RASGRP2: variants seen among roughly 807,000 people sequenced by gnomAD.
RASGRP2 encodes RAS guanyl-releasing protein 2.
A neutral mutation model predicts 71.0 loss-of-function variants in RASGRP2; 44 were observed. The ratio of observed to expected loss-of-function variants is 0.62; its 90% CI spans 0.49 to 0.80. The LOEUF (loss-of-function observed/expected upper bound fraction) is 0.80, where lower values mean the gene tolerates loss of function less well. RASGRP2 is among the 30% of genes least tolerant of loss of function. The pLI is 0.00. For synonymous variants in RASGRP2, 350 were observed against 330.7 expected, an observed-to-expected ratio of 1.06 and a Z score of -0.63; for missense variants, 663 against 813.4, an observed-to-expected ratio of 0.82 and a Z score of 2.25.
chr11:64,739,907 A>ACC lies in RASGRP2; in HGVS notation c.523-100_523-99dup. On this transcript the variant is annotated intron_variant, in intron 6 of 16. Transcript: ENST00000394432. This position sits in a 1 kb window ranked among gnomAD's most constrained non-coding sequence, Gnocchi z 4.2. ...GCTGACCTTCAGTGGTTACACTGAA[A>ACC]CCCCTGATGCACCCTGTGACCCAGC... 1 of 1,603,666 alleles carries ACC rather than the reference A, an allele frequency of 6.2e-7. No individual in the cohort carries two copies. Among genetic ancestry groups the ACC allele is most frequent in the Middle Eastern group, 1.7e-4 (1 of 5,954 alleles).
chr11:64,727,190 C>A, intron 16 of RASGRP2, 59 bp from the exon 17 acceptor site: 1 of 947,684 alleles, frequency 1.1e-6, no homozygotes, highest in East Asian at 2.5e-5. Context: ...GGTAGTAGCC[C>A]ACCTGGCTTG....
intron 4 of RASGRP2, 139 bp from the exon 5 acceptor site, chr11:64,741,218 A>G: frequency 4.2e-6 from 5 of 1,193,694 alleles, no homozygotes; most frequent in South Asian, 2.6e-5. Context: ...CGCCACTCCA[A>G]GTGTACATTA....
Position 64,735,441 on chromosome 11 carries a change from G to A in RASGRP2, c.1296+101C>T, listed in dbSNP as rs2057900006. 1 of 1,592,892 alleles carries A rather than the reference G, an allele frequency of 6.3e-7. No individual in the cohort carries two copies. The highest frequency in any genetic ancestry group is 1.7e-5 in the Admixed American group (1 of 60,006). On this transcript the variant is annotated intron_variant, in intron 11 of 16. Coordinates refer to ENST00000394432, the MANE Select transcript of RASGRP2 (RefSeq NM_001098671.2). This position sits in a 1 kb window ranked among gnomAD's most constrained non-coding sequence, Gnocchi z 4.2. Reference sequence around the variant, plus strand: ...CCAGGCCCTGTGACTCCTAGGGGCTGAGTGCTGGGTCTTGAACAGGACACT... The same window carrying A: ...CCAGGCCCTGTGACTCCTAGGGGCTAAGTGCTGGGTCTTGAACAGGACACT...
chr11:64,742,475 A>G lies in RASGRP2; in HGVS notation c.73+319T>C. On this transcript the variant is annotated intron_variant, in intron 2 of 16. Coordinates refer to ENST00000394432, the MANE Select transcript of RASGRP2 (RefSeq NM_001098671.2). This position sits in a 1 kb window ranked among gnomAD's most constrained non-coding sequence, Gnocchi z 4.7. ...GATAAGCCGCCCCCCATTAGCCGGA[A>G]ACAGCTCCCAGGCCGGAGATAGCGA... The G allele has an allele frequency of 1.8e-6, 1 of 565,226 alleles. No homozygotes were observed. Among genetic ancestry groups the G allele is most frequent in the Non-Finnish European group, 3.2e-6 (1 of 315,022 alleles). The allele number at this position is 565,226 out of a possible 1,614,324, so 35.0% of individuals were successfully genotyped here.
At position 64,729,049 on chromosome 11, in the gene RASGRP2, G is replaced by C; in HGVS notation, c.1592-7C>G. The C allele has an allele frequency of 6.3e-7, 1 of 1,589,694 alleles. No homozygotes were observed. Among genetic ancestry groups the C allele is most frequent in the South Asian group, 1.1e-5 (1 of 89,352 alleles). ...TGGCAGTTCACTCCACAGGCTGGGG[G>C]AGAGCAAATGGAGAGCCAGCCAGGG... On this transcript the variant is annotated splice_region_variant and splice_polypyrimidine_tract_variant and intron_variant, in intron 14 of 16. Transcript: ENST00000394432.
At position 64,739,606 on chromosome 11, in the gene RASGRP2, T is replaced by G. The variant is rs766410720; in HGVS notation, c.696+30A>C. 1 of 1,612,798 alleles carries G rather than the reference T, an allele frequency of 6.2e-7. No individual in the cohort carries two copies. Among genetic ancestry groups the G allele is most frequent in the Non-Finnish European group, 8.5e-7 (1 of 1,179,086 alleles). Reference sequence around the variant, plus strand: ...TGGCCTGACTGGCATGTGGGGTGGTTGGGAGACACCGGGAGGGAGGGGCAG... The same window carrying G: ...TGGCCTGACTGGCATGTGGGGTGGTGGGGAGACACCGGGAGGGAGGGGCAG... On this transcript the variant is annotated intron_variant, in intron 7 of 16. Transcript: ENST00000394432. The surrounding 1 kb of genome is among the most constrained non-coding windows in gnomAD (Gnocchi z 4.2).
At chr11:64,732,867 T>C (rs1290205998) in intron 12 of RASGRP2, among the ~76,000 whole-genome samples, 2 of 151,294 alleles carry the variant, frequency 1.3e-5, no homozygotes, top group South Asian at 2.1e-4. Flanking sequence ...GGAGAATCAC[T>C]TGAACCCGGG....
In RASGRP2 at chr11:64,743,214, C is replaced by A; in HGVS notation, c.-71-277G>T. On this transcript the variant is annotated intron_variant, in intron 1 of 16. Transcript: ENST00000394432. The surrounding 1 kb of genome is among the most constrained non-coding windows in gnomAD (Gnocchi z 4.9). ...GAACCAAGATCCCAGGACTGGCTGG[C>A]GCCCAGCCCCCCGCAGGGCGCCTTC... 1 of 528,236 alleles carries A rather than the reference C, an allele frequency of 1.9e-6. No homozygotes were observed. The highest frequency in any genetic ancestry group is 3.6e-6 in the Non-Finnish European group (1 of 274,218). The allele number at this position is 528,236 out of a possible 1,614,324, so 32.7% of individuals were successfully genotyped here. A position where few individuals can be genotyped will look rare whatever the true frequency, so the allele number is the denominator to read the frequency against.
At position 64,735,841 on chromosome 11, in the gene RASGRP2, C is replaced by A; in HGVS notation, c.1173+62G>T. 1 of 1,550,846 alleles carries A rather than the reference C, an allele frequency of 6.4e-7. No homozygotes were observed. ...GGTGGCTGCTAAGAGCTCTTCCCAT[C>A]CTCACATCCTGGGATTCTCAGGAGG... On this transcript the variant is annotated intron_variant, in intron 10 of 16. Transcript: ENST00000394432. The surrounding 1 kb of genome is among the most constrained non-coding windows in gnomAD (Gnocchi z 4.2).
Position 64,739,811 on chromosome 11 carries a change from T to G in RASGRP2, c.523-2A>C. ...CACGAAACTGTGATAGTCCTGAAAC[T>G]GGGGGCATGAGGAGTGGCCTCAGCA... On this transcript the variant is annotated splice_acceptor_variant, in intron 6 of 16. Transcript: ENST00000394432. LOFTEE classifies it high-confidence loss of function. This position sits in a 1 kb window ranked among gnomAD's most constrained non-coding sequence, Gnocchi z 4.2. 6.2e-7 allele frequency: 1 copy of G among 1,613,632 alleles called. No homozygotes were observed. Among genetic ancestry groups the G allele is most frequent in the Non-Finnish European group, 8.5e-7 (1 of 1,179,860 alleles).
chr11:64,738,043 C>CA (rs1028377024), intron 8 of RASGRP2, among the ~76,000 whole-genome samples: 2 of 151,052 alleles, frequency 1.3e-5, no homozygotes, highest in African/African-American at 4.9e-5. Context: ...GACTCCATCT[C>CA]AAAAAAATAA....
At chr11:64,729,700 C>G (rs2057696427) in intron 14 of RASGRP2, 62 bp downstream of exon 14, 1 of 1,580,244 alleles carries the variant, frequency 6.3e-7, no homozygotes, top group South Asian at 1.1e-5. Flanking sequence ...AGTAACTCTC[C>G]CAAACAAACA....
Position 64,741,459 on chromosome 11 carries a change from C to T in RASGRP2, c.219G>A (p.Val73=). 3 of 1,576,270 alleles carry T rather than the reference C, an allele frequency of 1.9e-6. No individual in the cohort carries two copies. The highest frequency in any genetic ancestry group is 8.6e-7 in the Non-Finnish European group (1 of 1,159,318). The change falls in exon 4 of 17, where the codon GTG becomes GTA. Residue 73 remains valine, a synonymous_variant. Transcript: ENST00000394432. ...CTCACCTGACCAGGTGGCACGTTTT[C>T]ACCTGCAGGGAATTGGAGTTGTCCT... ...SRKDNSNSLQ[V]KTCHLVRYWI... is the part of the protein sequence containing the mutation.
chr11:64,730,224 C>A, intron 12 of RASGRP2, 30 bp from the exon 13 acceptor site: 1 of 1,551,360 alleles, frequency 6.4e-7, no homozygotes. Context: ...CGCTTCAGCT[C>A]GGGCCCTCCC....
chr11:64,740,995 G>A lies in RASGRP2; in HGVS notation c.324C>T (p.Asp108=), dbSNP rs1430612041. The A allele has an allele frequency of 1.2e-6, 2 of 1,613,824 alleles. No individual in the cohort carries two copies. The highest frequency in any genetic ancestry group is 2.2e-5 in the South Asian group (2 of 91,064). Residue 108 remains aspartate, a synonymous_variant, in exon 5 of 17, where the codon GAC becomes GAT. Coordinates refer to ENST00000394432, the MANE Select transcript of RASGRP2 (RefSeq NM_001098671.2). The stretch of plus-strand genomic sequence containing the variant: ...TGCTGTGCCGTCGGTTCCCTTCTTG[G>A]TCTAGCAGAGCCTTCAGCTCCTTGA... ...EQIKELKALL[D]QEGNRRHSSL...
intron 12 of RASGRP2, among the ~76,000 whole-genome samples, chr11:64,734,474 T>C (rs1430465248): frequency 6.6e-6 from 1 of 151,952 alleles, no homozygotes; most frequent in African/African-American, 2.4e-5. Context: ...ACTTTAAACA[T>C]TTTGTTCACT....
Position 64,739,261 on chromosome 11 carries a change from C to A in RASGRP2, c.813+99G>T. On this transcript the variant is annotated intron_variant, in intron 8 of 16. Coordinates refer to ENST00000394432, the MANE Select transcript of RASGRP2 (RefSeq NM_001098671.2). This position sits in a 1 kb window ranked among gnomAD's most constrained non-coding sequence, Gnocchi z 4.2. ...CCCCTCTGAGCCTCCATTTCCATAT[C>A]TATCAAATGAGGACAGCTGTGCCCA... 1 of 925,316 alleles carries A rather than the reference C, an allele frequency of 1.1e-6. No individual in the cohort carries two copies. The highest frequency in any genetic ancestry group is 2.5e-5 in the East Asian group (1 of 40,528). The allele number at this position is 925,316 out of a possible 1,614,324, so 57.3% of individuals were successfully genotyped here.
intron 12 of RASGRP2, 88 bp from the exon 13 acceptor site, chr11:64,730,282 C>T: frequency 4.0e-6 from 6 of 1,496,432 alleles, no homozygotes; most frequent in South Asian, 2.4e-5. Context: ...TCCCAGTGTC[C>T]TCATGGAACT....
rs2057676255 is a variant in RASGRP2 at position 64,729,172 on chromosome 11, C to G, written c.1592-130G>C. 6.5e-6 allele frequency: 6 copies of G among 918,056 alleles called. No homozygotes were observed. The South Asian group carries it at 8.5e-5, about 13-fold the overall frequency. The allele number at this position is 918,056 out of a possible 1,614,324, so 56.9% of individuals were successfully genotyped here. On this transcript the variant is annotated intron_variant, in intron 14 of 16. Transcript: ENST00000394432. The stretch of plus-strand genomic sequence containing the variant: ...AGCTGCCCCACCAAAATAAGAGTCT[C>G]CTTCCAAAGTGTTCTCCTCCTCCTA...
Sources: allele counts gnomAD v4.1 joint callset (sites outside exome capture counted in the v4.1 genomes callset), GRCh38; gene constraint gnomAD v4.1.1; non-coding constraint Gnocchi (gnomAD v3.1); transcripts MANE v1.5; gene names NCBI Gene and HGNC (gene_info 2026-07-23, HGNC 2026-07-21).